CACNA2D1: variants seen among roughly 807,000 people sequenced by gnomAD.
CACNA2D1 encodes calcium voltage-gated channel auxiliary subunit alpha2delta 1.
In CACNA2D1, 53 loss-of-function variants were observed where a neutral mutation model predicts 171.5. The ratio of observed to expected loss-of-function variants is 0.31; its 90% confidence interval spans 0.25 to 0.39. CACNA2D1 has a LOEUF of 0.39. Ranked by LOEUF, CACNA2D1 falls within the 10% of genes least tolerant of loss-of-function variation. The pLI is 1.00. For missense variants in CACNA2D1, 903 were observed against 1,299.8 expected (o/e 0.69, Z 4.69); for synonymous variants, 442 against 443.1 (o/e 1.00, Z 0.03).
intron 38 of CACNA2D1, among the ~76,000 whole-genome samples, chr7:81,955,821 T>C (rs1040500154): frequency 9.9e-4 from 143 of 145,144 alleles, no homozygotes; most frequent in African/African-American, 3.5e-3. Flanking sequence ...CCTAGTTGAG[T>C]CCATGGTGAT....
In CACNA2D1 at chr7:81,949,791, T is replaced by C. The variant is rs1584119269; in HGVS notation, c.*601A>G. 2 of 152,366 alleles carry C rather than the reference T, an allele frequency of 1.3e-5. No homozygotes were observed. Among genetic ancestry groups the C allele is most frequent in the East Asian group, 3.9e-4 (2 of 5,188 alleles). 9.4% of individuals were successfully genotyped at this position (152,366 alleles called of 1,614,324 possible). ...AAATTGAATTGGTCATCAATTGTGT[T>C]TTATTTTTGGCAAAGAAGCCGTTCT... On this transcript the variant is annotated 3_prime_UTR_variant, in exon 39 of 39. Transcript: ENST00000356860.
chr7:82,252,272 G>C (rs144366323), intron 3 of CACNA2D1, among the ~76,000 whole-genome samples: 1 of 152,210 alleles, frequency 6.6e-6, no homozygotes, highest in African/African-American at 2.4e-5. Context: ...TTACAACTAT[G>C]CTCTGAGGTA....
chr7:82,007,518 T>G (rs370865437), intron 16 of CACNA2D1, 161 bp downstream of exon 16: 1 of 578,558 alleles, frequency 1.7e-6, no homozygotes. Flanking sequence ...CATTTCCTTT[T>G]TCCCAGGTGG....
intron 16 of CACNA2D1, 142 bp from the exon 17 acceptor site, chr7:82,005,981 T>C (rs1467028499): frequency 1.5e-6 from 1 of 688,286 alleles, no homozygotes; most frequent in Non-Finnish European, 2.7e-6. Flanking sequence ...GCACTCTCAG[T>C]GTCAATTTAC....
chr7:82,140,757 C>T (rs1337558813), intron 4 of CACNA2D1, among the ~76,000 whole-genome samples: 1 of 151,740 alleles, frequency 6.6e-6, no homozygotes, highest in Admixed American at 6.6e-5. Flanking sequence ...AGATCGAGAC[C>T]ATCCTGGCCA....
chr7:82,212,467 G>C (rs974841308), intron 3 of CACNA2D1, among the ~76,000 whole-genome samples: 1 of 152,176 alleles, frequency 6.6e-6, no homozygotes, highest in Non-Finnish European at 1.5e-5. Context: ...TCATTGACAA[G>C]AAGTATTTCA....
chr7:82,418,620 G>A (rs1828415908), intron 1 of CACNA2D1, among the ~76,000 whole-genome samples: 1 of 152,158 alleles, frequency 6.6e-6, no homozygotes, highest in African/African-American at 2.4e-5. Context: ...AATGTAGACA[G>A]TGACCACTGG....
At chr7:81,967,422 T>C (rs1794825104) in intron 30 of CACNA2D1, among the ~76,000 whole-genome samples, 174 bp downstream of exon 30, 1 of 151,514 alleles carries the variant, frequency 6.6e-6, no homozygotes, top group Non-Finnish European at 1.5e-5. Context: ...AATACTTCTA[T>C]TACATATTGA....
intron 3 of CACNA2D1, among the ~76,000 whole-genome samples, chr7:82,223,565 A>G (rs1424921837): frequency 6.6e-6 from 1 of 152,182 alleles, no homozygotes; most frequent in East Asian, 1.9e-4. Context: ...GGTAAATCAT[A>G]CCTCAAAATG....
chr7:82,202,942 C>T (rs1799618587), intron 3 of CACNA2D1, among the ~76,000 whole-genome samples: 1 of 152,060 alleles, frequency 6.6e-6, no homozygotes, highest in East Asian at 1.9e-4. Flanking sequence ...AATAAATAAG[C>T]AGCCCAATGA....
Position 82,069,986 on chromosome 7 carries a change from A to C in CACNA2D1, c.659-3462T>G, listed in dbSNP as rs185439824. On this transcript the variant is annotated intron_variant, in intron 7 of 38. Coordinates refer to ENST00000356860, the MANE Select transcript of CACNA2D1 (RefSeq NM_000722.4). ...CCATTATTTTCGGTTTGTCTCAATC[A>C]TCTCCTATAGAGTATTAGTCATGGC... is the stretch of plus-strand genomic sequence containing the variant. 1.1e-3 allele frequency among the ~76,000 whole-genome samples: 173 copies of C among 152,304 alleles called. 1 individual carries two copies. Among genetic ancestry groups the C allele is most frequent in the African/African-American group, 3.7e-3 (154 of 41,580 alleles).
intron 3 of CACNA2D1, among the ~76,000 whole-genome samples, chr7:82,323,195 C>G (rs943542382): frequency 1.3e-5 from 2 of 151,954 alleles, no homozygotes; most frequent in East Asian, 3.9e-4. Context: ...TATTTACTTT[C>G]ACCCAAAACA....
chr7:82,180,221 A>G (rs1393514710), intron 3 of CACNA2D1, among the ~76,000 whole-genome samples: 1 of 152,102 alleles, frequency 6.6e-6, no homozygotes, highest in Admixed American at 6.6e-5. Flanking sequence ...CAAAAAATAA[A>G]AGTGATCCTC....
At chr7:82,318,232 A>T (rs1014175795) in intron 3 of CACNA2D1, among the ~76,000 whole-genome samples, 8 of 152,132 alleles carry the variant, frequency 5.3e-5, no homozygotes, top group Non-Finnish European at 7.4e-5. Flanking sequence ...ATTGCTAATT[A>T]AAAAAGTGAA....
At chr7:82,274,277 TA>T (rs1307431145) in intron 3 of CACNA2D1, among the ~76,000 whole-genome samples, 1 of 152,190 alleles carries the variant, frequency 6.6e-6, no homozygotes, top group Non-Finnish European at 1.5e-5. Context: ...GGCAATACAT[TA>T]AAAACTATGT....
intron 3 of CACNA2D1, among the ~76,000 whole-genome samples, chr7:82,311,793 C>T (rs1168158244): frequency 6.6e-6 from 1 of 152,098 alleles, no homozygotes; most frequent in Non-Finnish European, 1.5e-5. Flanking sequence ...TAAAATGTGA[C>T]CAGTCTGCTT....
At chr7:82,059,149 C>A (rs1316498136) in intron 10 of CACNA2D1, among the ~76,000 whole-genome samples, 2 of 152,064 alleles carry the variant, frequency 1.3e-5, no homozygotes, top group Non-Finnish European at 2.9e-5. Context: ...ATCCATTTTT[C>A]AATACAAAAT....
At chr7:82,015,408 T>C (rs978399129) in intron 12 of CACNA2D1, among the ~76,000 whole-genome samples, 4 of 152,182 alleles carry the variant, frequency 2.6e-5, no homozygotes, top group Non-Finnish European at 1.5e-5. Flanking sequence ...AAATATTGAC[T>C]GTTCCTAACA....
chr7:82,423,254 A>C (rs10227699), intron 1 of CACNA2D1, among the ~76,000 whole-genome samples: 5,667 of 152,204 alleles, frequency 0.037, 351 homozygotes, highest in African/African-American at 0.13. Context: ...GAGAGAACTC[A>C]ACCTGCCCCA....
Sources: gnomAD v4.1 joint callset for allele counts (sites outside exome capture counted in the v4.1 genomes callset) on GRCh38, gnomAD v4.1.1 for gene constraint, MANE v1.5 for transcripts, NCBI Gene and HGNC (gene_info 2026-07-23, HGNC 2026-07-21) for gene names.